The following CASK variants were observed in gnomAD, a reference collection of about 807,000 sequenced individuals.
CASK encodes the protein peripheral plasma membrane protein CASK.
In CASK, 4 loss-of-function variants were observed where a neutral mutation model predicts 82.9. The observed-to-expected ratio is 0.05, with a 90% CI of 0.02 to 0.11. CASK has a LOEUF of 0.11. CASK is among the 10% of genes least tolerant of loss of function. The pLI is 1.00. For missense variants in CASK, 358 were observed against 720.9 expected, an observed-to-expected ratio of 0.50 and a Z score of 5.76; for synonymous variants, 259 against 253.5, an observed-to-expected ratio of 1.02 and a Z score of -0.20.
At chrX:41,603,989 A>G (rs1431276864) in intron 12 of CASK, among the ~76,000 whole-genome samples, 1 of 111,360 alleles carries the variant, frequency 9.0e-6, no homozygotes, top group Non-Finnish European at 1.9e-5. Context: ...TTTTCAGTCC[A>G]TCAAAAACTC....
At chrX:41,666,441 GTC>G (rs1009026671) in intron 6 of CASK, among the ~76,000 whole-genome samples, 3 of 111,758 alleles carry the variant, frequency 2.7e-5, no homozygotes, top group African/African-American at 9.8e-5. Flanking sequence ...TCCTCCCTCT[GTC>G]TCTCTCTTTC....
chrX:41,721,417 C>T lies in CASK; in HGVS notation c.429+17967G>A, dbSNP rs764255919. Among the ~76,000 whole-genome samples the T allele has an allele frequency of 7.5e-4, 84 of 111,310 alleles. No homozygotes were observed. The Middle Eastern group carries it at 0.014, about 18-fold the overall frequency. On this transcript the variant is annotated intron_variant, in intron 5 of 26. Coordinates refer to ENST00000378163, the MANE Select transcript of CASK (RefSeq NM_001367721.1). ...CTGCCATTGTTGGAATAATAGTTTG[C>T]TTAACAAAGTCCAGAGTTTTCAAAG... is the stretch of plus-strand genomic sequence containing the variant.
intron 2 of CASK, among the ~76,000 whole-genome samples, chrX:41,818,997 G>C (rs2070475376): frequency 9.0e-6 from 1 of 111,068 alleles, no homozygotes; most frequent in Non-Finnish European, 1.9e-5. Flanking sequence ...CTTAGAAGGA[G>C]CACCAAAAGT....
chrX:41,898,954 G>C (rs1448731392), intron 1 of CASK, among the ~76,000 whole-genome samples: 1 of 111,822 alleles, frequency 8.9e-6, no homozygotes, highest in Non-Finnish European at 1.9e-5. Context: ...TTGGCCTACA[G>C]TGTAGTACAA....
intron 12 of CASK, among the ~76,000 whole-genome samples, chrX:41,605,987 C>T (rs907033328): frequency 1.8e-5 from 2 of 111,822 alleles, no homozygotes; most frequent in African/African-American, 6.5e-5. Context: ...ACTGAAAATC[C>T]AACATTTTAA....
At chrX:41,566,233 A>G (rs916109370) in intron 16 of CASK, among the ~76,000 whole-genome samples, 2 of 111,819 alleles carry the variant, frequency 1.8e-5, no homozygotes, top group Non-Finnish European at 1.9e-5. Context: ...AGTTCTGGCC[A>G]GGGCAATCAG....
At chrX:41,676,597 T>A (rs2067270710) in intron 5 of CASK, 1 of 611,160 alleles carries the variant, frequency 1.6e-6, no homozygotes, top group Non-Finnish European at 2.5e-6. Flanking sequence ...TGGCCTGCTC[T>A]CCGAACTCTG....
chrX:41,537,858 T>TTATTAC (rs2064896524), intron 22 of CASK, among the ~76,000 whole-genome samples: 1 of 104,879 alleles, frequency 9.5e-6, no homozygotes, highest in African/African-American at 3.5e-5. Flanking sequence ...ATTATTATTA[T>TTATTAC]TGAGACAGGG....
At chrX:41,767,333 G>T (rs1317719213) in intron 3 of CASK, among the ~76,000 whole-genome samples, 1 of 111,729 alleles carries the variant, frequency 9.0e-6, no homozygotes, top group East Asian at 2.8e-4. Flanking sequence ...GAGATGCGTG[G>T]ATTTTAGTAC....
intron 19 of CASK, among the ~76,000 whole-genome samples, chrX:41,556,425 G>A (rs1296193960): frequency 8.9e-6 from 1 of 112,101 alleles, no homozygotes; most frequent in Non-Finnish European, 1.9e-5. Flanking sequence ...CCAAGTTCAA[G>A]TCAAATATAA....
In CASK at chrX:41,657,844, C is replaced by T. The variant is rs148433416; in HGVS notation, c.831+2595G>A. 7.4e-3 allele frequency among the ~76,000 whole-genome samples: 825 copies of T among 111,572 alleles called. 6 individuals are homozygous for T. The highest frequency in any genetic ancestry group is 0.038 in the Admixed American group (395 of 10,490). ...ATACAACTCCTAAAATCCTTAGAAA[C>T]GCCAAAGATGTCTGATGGCTGGCAG... is the stretch of plus-strand genomic sequence containing the variant. On this transcript the variant is annotated intron_variant, in intron 8 of 26. Coordinates refer to ENST00000378163, the MANE Select transcript of CASK (RefSeq NM_001367721.1).
intron 14 of CASK, among the ~76,000 whole-genome samples, chrX:41,579,018 G>A (rs1192126591): frequency 8.9e-6 from 1 of 111,985 alleles, no homozygotes; most frequent in Non-Finnish European, 1.9e-5. Context: ...TCAAATGAAG[G>A]TAGACGGTAC....
intron 1 of CASK, among the ~76,000 whole-genome samples, chrX:41,892,780 TG>T (rs1454198552): frequency 6.2e-5 from 7 of 112,242 alleles, no homozygotes; most frequent in Non-Finnish European, 1.3e-4. Flanking sequence ...AATACAGTTT[TG>T]GCAGTACGAT....
intron 8 of CASK, among the ~76,000 whole-genome samples, chrX:41,647,795 T>C (rs2066786136): frequency 8.9e-6 from 1 of 112,230 alleles, no homozygotes; most frequent in African/African-American, 3.2e-5. Flanking sequence ...AAAGATTTCA[T>C]AGACACTTAT....
intron 1 of CASK, among the ~76,000 whole-genome samples, chrX:41,883,485 G>GC (rs2071988184): frequency 9.0e-6 from 1 of 111,442 alleles, no homozygotes; most frequent in Non-Finnish European, 1.9e-5. Context: ...CCTCGAGGCA[G>GC]CTGGCTATTA....
chrX:41,751,311 A>T (rs2068783597), intron 3 of CASK, among the ~76,000 whole-genome samples: 1 of 111,188 alleles, frequency 9.0e-6, no homozygotes, highest in South Asian at 3.8e-4. Context: ...CTGGTCTGGA[A>T]TTCCCGGGCT....
intron 5 of CASK, among the ~76,000 whole-genome samples, chrX:41,723,020 T>C (rs1333410471): frequency 8.9e-6 from 1 of 112,086 alleles, no homozygotes; most frequent in African/African-American, 3.2e-5. Flanking sequence ...TGAGTCACTG[T>C]TCTTAAGTAA....
chrX:41,740,887 A>G (rs1309615899), intron 4 of CASK, among the ~76,000 whole-genome samples: 1 of 111,570 alleles, frequency 9.0e-6, no homozygotes, highest in East Asian at 2.8e-4. Flanking sequence ...TTTATTTTTT[A>G]TTTTTATTTT....
At chrX:41,570,010 C>CTTT (rs397937722) in intron 15 of CASK, among the ~76,000 whole-genome samples, 40 of 70,625 alleles carry the variant, frequency 5.7e-4, no homozygotes, top group South Asian at 1.7e-3. Context: ...TTTCTTTTTT[C>CTTT]TTTTTTTTTT....
Sources: gnomAD v4.1 joint callset for allele counts (sites outside exome capture counted in the v4.1 genomes callset) on GRCh38, gnomAD v4.1.1 for gene constraint, MANE v1.5 for transcripts, NCBI Gene and HGNC (gene_info 2026-07-23, HGNC 2026-07-21) for gene names.